TBCK: variants seen among roughly 807,000 people sequenced by gnomAD.
TBCK encodes the protein TBC domain-containing protein kinase-like protein.
TBCK carries 99 observed loss-of-function variants against 113.4 expected under a neutral mutation model. That is an observed-to-expected ratio of 0.87 (90% CI 0.74 to 1.03). The LOEUF (loss-of-function observed/expected upper bound fraction) is 1.03. Ranked by LOEUF, TBCK falls within the 50% of genes least tolerant of loss-of-function variation. The pLI is 0.00. For missense variants in TBCK, 1,045 were observed against 1,061.3 expected (o/e 0.98, Z 0.21); for synonymous variants, 369 against 370.8 (o/e 1.00, Z 0.05).
chr4:106,204,549 T>C (rs907223555), intron 20 of TBCK, among the ~76,000 whole-genome samples: 2 of 152,152 alleles, frequency 1.3e-5, no homozygotes, highest in African/African-American at 4.8e-5. Context: ...ATAATAATGG[T>C]CATGTGAAGG....
intron 23 of TBCK, among the ~76,000 whole-genome samples, chr4:106,143,828 C>T (rs562459409): frequency 5.9e-5 from 9 of 151,640 alleles, no homozygotes; most frequent in East Asian, 1.9e-4. Context: ...GCAGGAGAAT[C>T]GCTTGAACCC....
At chr4:106,249,631 T>C (rs979429402) in intron 7 of TBCK, among the ~76,000 whole-genome samples, 1 of 152,172 alleles carries the variant, frequency 6.6e-6, no homozygotes, top group Admixed American at 6.6e-5. Context: ...AAAATGTACT[T>C]ACATTTATTT....
Position 106,046,457 on chromosome 4 carries a change from C to A in TBCK, c.*113G>T, listed in dbSNP as rs994884711. On this transcript the variant is annotated 3_prime_UTR_variant, in exon 26 of 26. Transcript: ENST00000394708. ...AAAAAATGTCTCGTGACAAACTTTA[C>A]GGAAATGCAACAATCTGGACATCTA... The A allele has an allele frequency of 1.5e-5, 9 of 609,680 alleles. No homozygotes were observed. Among genetic ancestry groups the A allele is most frequent in the East Asian group, 2.8e-5 (1 of 36,278 alleles). 37.8% of individuals were successfully genotyped at this position (609,680 alleles called of 1,614,324 possible).
intron 18 of TBCK, 83 bp from the exon 19 acceptor site, chr4:106,230,529 T>C: frequency 1.5e-6 from 1 of 669,802 alleles, no homozygotes; most frequent in Non-Finnish European, 2.4e-6. Context: ...TTAGCACATA[T>C]TCCTTGAAAC....
intron 11 of TBCK, 68 bp from the exon 12 acceptor site, chr4:106,242,637 G>A (rs1169159340): frequency 9.1e-6 from 10 of 1,104,362 alleles, no homozygotes; most frequent in Non-Finnish European, 1.3e-5. Context: ...AGAAAGTAAA[G>A]TTTATTCTAA....
chr4:106,057,893 CTT>C (rs571224357), intron 25 of TBCK, among the ~76,000 whole-genome samples: 42 of 151,834 alleles, frequency 2.8e-4, no homozygotes, highest in African/African-American at 1.0e-3. Context: ...GGGACTATAT[CTT>C]TTTCATTTCT....
chr4:106,153,415 C>A (rs1476161114), intron 23 of TBCK, among the ~76,000 whole-genome samples: 1 of 151,976 alleles, frequency 6.6e-6, no homozygotes, highest in Non-Finnish European at 1.5e-5. Context: ...AGAGAACATG[C>A]TTGATATTAT....
intron 21 of TBCK, 71 bp from the exon 22 acceptor site, chr4:106,193,841 A>G: frequency 9.8e-7 from 1 of 1,016,856 alleles, no homozygotes; most frequent in South Asian, 1.9e-5. Context: ...AACTTACTTT[A>G]CTAGTTCTAT....
At chr4:106,091,017 C>G (rs184318689) in intron 25 of TBCK, among the ~76,000 whole-genome samples, 235 of 152,326 alleles carry the variant, frequency 1.5e-3, no homozygotes, top group Non-Finnish European at 2.9e-3. Flanking sequence ...AGGTATTTAA[C>G]AGCAACACCC....
intron 24 of TBCK, among the ~76,000 whole-genome samples, chr4:106,098,325 TA>T (rs1741166790): frequency 6.6e-6 from 1 of 152,046 alleles, no homozygotes; most frequent in African/African-American, 2.4e-5. Flanking sequence ...ACTAAGAGTT[TA>T]AAAAGCTACA....
intron 3 of TBCK, among the ~76,000 whole-genome samples, chr4:106,281,851 T>G (rs925046433): frequency 3.3e-5 from 5 of 152,120 alleles, no homozygotes; most frequent in Non-Finnish European, 2.9e-5. Flanking sequence ...TCAGGGATAT[T>G]GGCCTGTAGT....
At chr4:106,259,635 A>G (rs1560925010) in intron 5 of TBCK, among the ~76,000 whole-genome samples, 1 of 151,956 alleles carries the variant, frequency 6.6e-6, no homozygotes, top group Non-Finnish European at 1.5e-5. Context: ...ACACACATAT[A>G]TGCTCGGAGA....
intron 20 of TBCK, among the ~76,000 whole-genome samples, chr4:106,210,597 A>C (rs1321587053): frequency 6.6e-6 from 1 of 152,108 alleles, no homozygotes; most frequent in Non-Finnish European, 1.5e-5. Flanking sequence ...ACTGATTCCC[A>C]CCTACTTTTA....
intron 2 of TBCK, among the ~76,000 whole-genome samples, chr4:106,304,447 TTA>T (rs1202991909): frequency 6.6e-6 from 1 of 152,168 alleles, no homozygotes; most frequent in African/African-American, 2.4e-5. Context: ...TGTACAAACA[TTA>T]TAAAGCTTTA....
chr4:106,286,448 T>C (rs901438834), intron 3 of TBCK, among the ~76,000 whole-genome samples: 1 of 152,190 alleles, frequency 6.6e-6, no homozygotes, highest in African/African-American at 2.4e-5. Context: ...GCAAAACTTT[T>C]CATGAGCTAA....
intron 2 of TBCK, among the ~76,000 whole-genome samples, chr4:106,297,234 T>C (rs947499423): frequency 1.3e-5 from 2 of 152,200 alleles, no homozygotes; most frequent in Admixed American, 6.5e-5. Context: ...CAGGCTTCTA[T>C]AGCCTATATT....
At chr4:106,122,777 C>T (rs567778115) in intron 23 of TBCK, among the ~76,000 whole-genome samples, 4 of 152,220 alleles carry the variant, frequency 2.6e-5, no homozygotes, top group Admixed American at 2.6e-4. Context: ...ACAAAAACCA[C>T]ATGATTATCT....
intron 23 of TBCK, among the ~76,000 whole-genome samples, chr4:106,119,205 T>G (rs371370550): frequency 5.3e-5 from 8 of 152,194 alleles, no homozygotes; most frequent in African/African-American, 1.9e-4. Flanking sequence ...GAATGGGGGT[T>G]TCAAATTCAT....
At chr4:106,061,438 CTTTT>C (rs34326247) in intron 25 of TBCK, among the ~76,000 whole-genome samples, 1 of 142,028 alleles carries the variant, frequency 7.0e-6, no homozygotes, top group African/African-American at 2.6e-5. Flanking sequence ...TGTTAGCATA[CTTTT>C]TTTTTTTTTT....
Sources: gnomAD v4.1 joint callset for allele counts (sites outside exome capture counted in the v4.1 genomes callset) on GRCh38, gnomAD v4.1.1 for gene constraint, MANE v1.5 for transcripts, NCBI Gene and HGNC (gene_info 2026-07-23, HGNC 2026-07-21) for gene names.